Variants in CDH18 observed in about 807,000 individuals in gnomAD.
CDH18 encodes the protein cadherin 18, also known as cadherin-18.
Under a neutral mutation model 67.9 loss-of-function variants are expected in CDH18, and 31 were observed. The ratio of observed to expected loss-of-function variants is 0.46; its 90% confidence interval spans 0.34 to 0.62. CDH18 has a LOEUF of 0.62. Among genes scored for constraint, CDH18 ranks in the 20% least tolerant of loss-of-function variants. The pLI is 0.01. For missense variants in CDH18, 890 were observed against 975.5 expected, an observed-to-expected ratio of 0.91 and a Z score of 1.17; for synonymous variants, 362 against 347.2, an observed-to-expected ratio of 1.04 and a Z score of -0.48.
At chr5:20,373,257 T>C (rs1433480458) in intron 1 of CDH18, among the ~76,000 whole-genome samples, 1 of 152,204 alleles carries the variant, frequency 6.6e-6, no homozygotes, top group Non-Finnish European at 1.5e-5. Context: ...GTATGACCTA[T>C]GTCACAGACC....
intron 2 of CDH18, among the ~76,000 whole-genome samples, chr5:19,850,067 C>A (rs1055581939): frequency 1.3e-5 from 2 of 151,572 alleles, no homozygotes; most frequent in Non-Finnish European, 2.9e-5. Flanking sequence ...AAGTTAATAT[C>A]AAAAAATTTC....
intron 2 of CDH18, among the ~76,000 whole-genome samples, chr5:20,130,904 ACTT>A (rs1237103310): frequency 6.6e-6 from 1 of 151,324 alleles, no homozygotes; most frequent in Non-Finnish European, 1.5e-5. Flanking sequence ...AAATCCCTTT[ACTT>A]CTTGAGATAA....
intron 3 of CDH18, among the ~76,000 whole-genome samples, chr5:19,806,035 C>G (rs551050150): frequency 6.6e-6 from 1 of 152,336 alleles, no homozygotes; most frequent in East Asian, 1.9e-4. Context: ...CTAACACATG[C>G]ACTCTGCTCC....
chr5:19,687,739 G>T lies in CDH18; in HGVS notation c.643+33608C>A, dbSNP rs116719298. ...GAAGCGTGTACTCTCCACAGCCTCAGAGCTGATACTTGTGGCTTCCGCCAC... is the reference window on the plus strand; with the variant it reads ...GAAGCGTGTACTCTCCACAGCCTCATAGCTGATACTTGTGGCTTCCGCCAC... On this transcript the variant is annotated intron_variant, in intron 5 of 12. Coordinates refer to ENST00000382275, the MANE Select transcript of CDH18 (RefSeq NM_004934.5). 7.5e-3 allele frequency among the ~76,000 whole-genome samples: 1,138 copies of T among 152,310 alleles called. 15 individuals carry two copies. The highest frequency in any genetic ancestry group is 0.026 in the African/African-American group (1,078 of 41,578).
chr5:19,840,980 C>T (rs1333688171), intron 2 of CDH18, among the ~76,000 whole-genome samples: 1 of 152,070 alleles, frequency 6.6e-6, no homozygotes, highest in African/African-American at 2.4e-5. Context: ...ATTTATAATA[C>T]TGAATACAAA....
chr5:20,081,950 GA>G (rs1002568420), intron 2 of CDH18, among the ~76,000 whole-genome samples: 1 of 151,946 alleles, frequency 6.6e-6, no homozygotes, highest in Non-Finnish European at 1.5e-5. Flanking sequence ...AATAAGAGTT[GA>G]AAAACAAAAC....
chr5:20,045,334 C>A (rs1305013856), intron 2 of CDH18, among the ~76,000 whole-genome samples: 1 of 152,046 alleles, frequency 6.6e-6, no homozygotes, highest in Non-Finnish European at 1.5e-5. Context: ...CAAGTTATGC[C>A]ACATCAGTGT....
intron 6 of CDH18, 90 bp from the exon 7 acceptor site, chr5:19,591,334 A>G: frequency 2.3e-6 from 2 of 884,002 alleles, no homozygotes; most frequent in Non-Finnish European, 1.6e-6. Context: ...CACATATTCA[A>G]ATGAAGACTA....
At chr5:20,259,991 G>A (rs1476808110) in intron 1 of CDH18, among the ~76,000 whole-genome samples, 2 of 151,852 alleles carry the variant, frequency 1.3e-5, no homozygotes, top group Non-Finnish European at 2.9e-5. Context: ...AAATTGAGGT[G>A]CGACTGCACA....
chr5:20,056,283 C>T (rs1387790607), intron 2 of CDH18, among the ~76,000 whole-genome samples: 11 of 148,768 alleles, frequency 7.4e-5, no homozygotes, highest in Admixed American at 1.3e-4. Context: ...GGATTACAGG[C>T]ATGAGCCACC....
At chr5:19,479,832 A>C (rs894335423) in intron 12 of CDH18, among the ~76,000 whole-genome samples, 1 of 152,180 alleles carries the variant, frequency 6.6e-6, no homozygotes, top group East Asian at 1.9e-4. Context: ...TCAACTAATA[A>C]AAATGAAAAA....
intron 1 of CDH18, among the ~76,000 whole-genome samples, chr5:20,476,996 G>A (rs1251416925): frequency 6.6e-6 from 1 of 152,064 alleles, no homozygotes; most frequent in Non-Finnish European, 1.5e-5. Context: ...TGTGTCTGCT[G>A]TTTTTAATTT....
At chr5:20,345,513 A>G (rs1740628176) in intron 1 of CDH18, among the ~76,000 whole-genome samples, 1 of 151,856 alleles carries the variant, frequency 6.6e-6, no homozygotes, top group Non-Finnish European at 1.5e-5. Flanking sequence ...CTTTTTTATT[A>G]TATCATTTAT....
intron 2 of CDH18, among the ~76,000 whole-genome samples, chr5:19,871,922 C>T (rs1205839744): frequency 6.6e-6 from 1 of 152,150 alleles, no homozygotes; most frequent in Non-Finnish European, 1.5e-5. Context: ...GTTAATAACA[C>T]TATACTTTAT....
chr5:20,347,888 T>A (rs1189195737), intron 1 of CDH18, among the ~76,000 whole-genome samples: 1 of 152,130 alleles, frequency 6.6e-6, no homozygotes, highest in Non-Finnish European at 1.5e-5. Context: ...AGGAACTCAG[T>A]CCTGTTTCTG....
intron 1 of CDH18, among the ~76,000 whole-genome samples, chr5:20,378,833 G>A (rs1743674163): frequency 6.6e-6 from 1 of 152,042 alleles, no homozygotes; most frequent in Non-Finnish European, 1.5e-5. Context: ...GCCTGAAGCT[G>A]TCCTAGTAAA....
At chr5:20,226,247 A>T (rs925898442) in intron 2 of CDH18, among the ~76,000 whole-genome samples, 1 of 152,148 alleles carries the variant, frequency 6.6e-6, no homozygotes. Flanking sequence ...ATGTATGCAC[A>T]CCACTAAATG....
chr5:19,921,608 T>C (rs1438679176), intron 2 of CDH18, among the ~76,000 whole-genome samples: 1 of 151,554 alleles, frequency 6.6e-6, no homozygotes, highest in Admixed American at 6.6e-5. Context: ...TTGTTAATTA[T>C]ATTAAAAACT....
intron 2 of CDH18, among the ~76,000 whole-genome samples, chr5:20,052,195 A>G (rs1033172193): frequency 6.6e-6 from 1 of 152,124 alleles, no homozygotes; most frequent in South Asian, 2.1e-4. Flanking sequence ...ACAGGAATTG[A>G]AAGTAGAGAT....
Sources: allele counts gnomAD v4.1 joint callset (sites outside exome capture counted in the v4.1 genomes callset), GRCh38; gene constraint gnomAD v4.1.1; transcripts MANE v1.5; gene names NCBI Gene and HGNC (gene_info 2026-07-23, HGNC 2026-07-21).